SMCO4: variants seen among roughly 807,000 people sequenced by gnomAD.
SMCO4 encodes the protein single-pass membrane and coiled-coil domain-containing protein 4.
Under a neutral mutation model 3.6 loss-of-function variants are expected in SMCO4, and 4 were observed. The ratio of observed to expected loss-of-function variants is 1.11; its 90% CI spans 0.54 to 2.53. The LOEUF is 2.53. Ranked by LOEUF, SMCO4 falls within the 30% of genes most tolerant of loss-of-function variation. The pLI, the probability that SMCO4 is intolerant of heterozygous loss-of-function variation, is 0.02. For synonymous variants in SMCO4, 36 were observed against 35.3 expected (o/e 1.02, Z -0.07); for missense variants, 70 against 80.8 (o/e 0.87, Z 0.51).
upstream of SMCO4, among the ~76,000 whole-genome samples, chr11:93,545,385 C>T (rs929579989): frequency 2.0e-5 from 3 of 151,800 alleles, no homozygotes; most frequent in South Asian, 2.1e-4. Flanking sequence ...GTCAGGAGTT[C>T]GGGATCAACC....
chr11:93,491,732 G>A (rs2134583018), intron 2 of SMCO4, among the ~76,000 whole-genome samples: 1 of 152,282 alleles, frequency 6.6e-6, no homozygotes, highest in Non-Finnish European at 1.5e-5. Context: ...TGTGACCCTT[G>A]AGGAAGATGA....
intron 2 of SMCO4, among the ~76,000 whole-genome samples, chr11:93,496,285 G>A (rs978928571): frequency 1.3e-5 from 2 of 152,204 alleles, no homozygotes; most frequent in Admixed American, 6.5e-5. Context: ...ATGAATTCAA[G>A]ATGTACTTTA....
At chr11:93,536,440 G>A (rs778213858) in intron 1 of SMCO4, among the ~76,000 whole-genome samples, 3 of 152,126 alleles carry the variant, frequency 2.0e-5, no homozygotes, top group Non-Finnish European at 4.4e-5. Flanking sequence ...AACTACACTG[G>A]AAAATATTTT....
At chr11:93,494,706 C>T (rs1948755196) in intron 2 of SMCO4, among the ~76,000 whole-genome samples, 1 of 152,198 alleles carries the variant, frequency 6.6e-6, no homozygotes, top group African/African-American at 2.4e-5. Flanking sequence ...AAGTCTCACA[C>T]CCATTAGAAC....
chr11:93,512,601 C>G (rs577468548), intron 1 of SMCO4, among the ~76,000 whole-genome samples: 1 of 152,210 alleles, frequency 6.6e-6, no homozygotes, highest in Admixed American at 6.5e-5. Flanking sequence ...TGTGTTATAA[C>G]TGCCTACAGT....
intron 2 of SMCO4, among the ~76,000 whole-genome samples, chr11:93,487,476 TA>T: frequency 6.6e-6 from 1 of 152,114 alleles, no homozygotes; most frequent in Middle Eastern, 3.4e-3. Flanking sequence ...TACAGACAGA[TA>T]AAAGATACAC....
chr11:93,497,001 T>C (rs1476064996), intron 2 of SMCO4, among the ~76,000 whole-genome samples: 1 of 152,102 alleles, frequency 6.6e-6, no homozygotes, highest in Admixed American at 6.5e-5. Context: ...CAGAGGAAGG[T>C]CTCTCAACAT....
At position 93,506,727 on chromosome 11, in the gene SMCO4, C is replaced by T. The variant is rs575083143; in HGVS notation, c.-153-7379G>A. Reference sequence around the variant, plus strand: ...AAGTGCTGGGATTACAGGCATGAGCCACCACGCCTGTCCTTAGCTAAGCGT... The same window carrying T: ...AAGTGCTGGGATTACAGGCATGAGCTACCACGCCTGTCCTTAGCTAAGCGT... On this transcript the variant is annotated intron_variant, in intron 1 of 2. Coordinates refer to ENST00000298966, the MANE Select transcript of SMCO4 (RefSeq NM_020179.3). Among the ~76,000 whole-genome samples the T allele has an allele frequency of 9.3e-4, 141 of 152,300 alleles. 1 individual carries two copies. The highest frequency in any genetic ancestry group is 3.3e-3 in the African/African-American group (138 of 41,564).
At chr11:93,503,758 A>C (rs1025371631) in intron 1 of SMCO4, among the ~76,000 whole-genome samples, 38 of 152,326 alleles carry the variant, frequency 2.5e-4, no homozygotes, top group African/African-American at 8.2e-4. Flanking sequence ...ATTCTCCCCT[A>C]GAGTCTGTGC....
chr11:93,523,078 T>C (rs950695720), intron 1 of SMCO4, among the ~76,000 whole-genome samples: 1 of 152,042 alleles, frequency 6.6e-6, no homozygotes, highest in Non-Finnish European at 1.5e-5. Flanking sequence ...GGCTCAAACA[T>C]AAAAACTAAT....
chr11:93,534,398 A>G (rs10831057), intron 1 of SMCO4, among the ~76,000 whole-genome samples: 2 of 145,950 alleles, frequency 1.4e-5, no homozygotes, highest in Admixed American at 6.8e-5. Context: ...AGAGAGAGAT[A>G]CATATATATA....
chr11:93,486,894 C>G (rs1239912421), intron 2 of SMCO4, among the ~76,000 whole-genome samples: 1 of 152,188 alleles, frequency 6.6e-6, no homozygotes, highest in African/African-American at 2.4e-5. Context: ...CAGAAAAAAA[C>G]AGTTGAAGGC....
At chr11:93,513,807 C>T (rs946856046) in intron 1 of SMCO4, among the ~76,000 whole-genome samples, 3 of 152,202 alleles carry the variant, frequency 2.0e-5, no homozygotes. Context: ...AATGCATTTT[C>T]CCAGACTGCT....
At chr11:93,499,665 C>G (rs1452623225) in intron 1 of SMCO4, among the ~76,000 whole-genome samples, 2 of 152,186 alleles carry the variant, frequency 1.3e-5, no homozygotes, top group African/African-American at 4.8e-5. Context: ...ACAACAAACT[C>G]GCTGCTAACT....
chr11:93,503,612 T>C lies in SMCO4; in HGVS notation c.-153-4264A>G, dbSNP rs184110979. ...GATTGGACCTAAATTCACATGCCCT[T>C]ATAAGAAAGGTAGATTACACACACA... On this transcript the variant is annotated intron_variant, in intron 1 of 2. Coordinates refer to ENST00000298966, the MANE Select transcript of SMCO4 (RefSeq NM_020179.3). Among the ~76,000 whole-genome samples the C allele has an allele frequency of 5.9e-5, 9 of 152,278 alleles. 1 individual carries two copies. Among genetic ancestry groups the C allele is most frequent in the Non-Finnish European group, 1.3e-4 (9 of 68,016 alleles).
chr11:93,486,651 C>T (rs983626394), intron 2 of SMCO4, among the ~76,000 whole-genome samples: 1 of 152,188 alleles, frequency 6.6e-6, no homozygotes, highest in African/African-American at 2.4e-5. Context: ...CACCCCTACA[C>T]TGCCCAGGGC....
At chr11:93,502,660 C>T (rs1416192567) in intron 1 of SMCO4, among the ~76,000 whole-genome samples, 1 of 152,200 alleles carries the variant, frequency 6.6e-6, no homozygotes, top group Non-Finnish European at 1.5e-5. Flanking sequence ...TATACACACC[C>T]TTTGACTTTG....
chr11:93,521,965 C>T (rs769659240), intron 1 of SMCO4, among the ~76,000 whole-genome samples: 3 of 152,224 alleles, frequency 2.0e-5, no homozygotes, highest in Non-Finnish European at 2.9e-5. Context: ...CTGTGTGTCA[C>T]ACATTGTTAT....
intron 2 of SMCO4, among the ~76,000 whole-genome samples, chr11:93,496,504 C>T (rs771209482): frequency 6.6e-6 from 1 of 152,080 alleles, no homozygotes; most frequent in African/African-American, 2.4e-5. Context: ...CCATGAGATA[C>T]CAAGTTTGCT....
Sources: allele counts gnomAD v4.1 joint callset (sites outside exome capture counted in the v4.1 genomes callset), GRCh38; gene constraint gnomAD v4.1.1; transcripts MANE v1.5; gene names NCBI Gene and HGNC (gene_info 2026-07-23, HGNC 2026-07-21).